GNAT2: variants seen among roughly 807,000 people sequenced by gnomAD.
The protein encoded by GNAT2 is G protein subunit alpha transducin 2.
In GNAT2, 32 loss-of-function variants were observed where a neutral mutation model predicts 40.9. The observed-to-expected ratio is 0.78, with a 90% CI of 0.59 to 1.05. The LOEUF (loss-of-function observed/expected upper bound fraction) is 1.05. Among genes scored for constraint, GNAT2 ranks in the 50% least tolerant of loss-of-function variants. The pLI is 0.00. For missense variants in GNAT2, 355 were observed against 431.5 expected (o/e 0.82, Z 1.57); for synonymous variants, 141 against 157.2 (o/e 0.90, Z 0.77).
chr1:109,606,266 C>T, intron 6 of GNAT2, 42 bp downstream of exon 6: 10 of 1,608,950 alleles, frequency 6.2e-6, no homozygotes, highest in African/African-American at 1.3e-5. Flanking sequence ...TTTCAGGATT[C>T]CACACGTGTA....
At chr1:109,609,585 T>C in intron 4 of GNAT2, 1 of 277,486 alleles carries the variant, frequency 3.6e-6, no homozygotes, top group Non-Finnish European at 7.0e-6. Context: ...TGAGCCATGA[T>C]CACACCACTG....
chr1:109,609,079 C>T (rs776559456), intron 4 of GNAT2: 22 of 460,524 alleles, frequency 4.8e-5, no homozygotes, highest in South Asian at 1.7e-4. Context: ...GAAAGTTTAC[C>T]GCCACAAAAC....
At chr1:109,610,642 C>T (rs1458309769) in intron 2 of GNAT2, 135 bp from the exon 3 acceptor site, 1 of 746,858 alleles carries the variant, frequency 1.3e-6, no homozygotes, top group Non-Finnish European at 2.4e-6. Flanking sequence ...TGACTGCTGC[C>T]CTCAATTTCT....
chr1:109,608,511 C>T, intron 5 of GNAT2, 120 bp downstream of exon 5: 1 of 886,010 alleles, frequency 1.1e-6, no homozygotes, highest in Non-Finnish European at 1.9e-6. Flanking sequence ...TGAATTCAGT[C>T]TGGGTCTCCA....
intron 5 of GNAT2, chr1:109,606,640 C>A (rs998122753): frequency 1.8e-6 from 1 of 549,140 alleles, no homozygotes; most frequent in African/African-American, 1.9e-5. Context: ...GGGACAAGCC[C>A]ATTTGAGGCT....
chr1:109,604,563 T>G (rs1001458065), intron 7 of GNAT2: 8 of 187,290 alleles, frequency 4.3e-5, no homozygotes, highest in African/African-American at 1.4e-4. Context: ...TAGGCTTCTT[T>G]CATGGGGTCC....
chr1:109,610,475 T>C lies in GNAT2; in HGVS notation c.151A>G (p.Lys51Glu). The C allele has an allele frequency of 6.2e-7, 1 of 1,613,902 alleles. No homozygotes were observed. The change falls in exon 3 of 9, where the codon AAA becomes GAA. Residue 51 changes from lysine to glutamate, a missense_variant. Transcript: ENST00000679935. ...TTTGTTTCTACTCACTTCATCTGTT[T>C]GACGATGGTGCTCTTTCCTGACTCC... is the stretch of plus-strand genomic sequence containing the variant. ...AGESGKSTIV[K>E]QMKIIHQDGY...
intron 5 of GNAT2, chr1:109,608,391 GC>G: frequency 3.5e-6 from 2 of 578,390 alleles, no homozygotes; most frequent in Non-Finnish European, 6.2e-6. Context: ...AGCCTTGTAG[GC>G]TGTAGTGAGC....
chr1:109,614,060 CGGA>C (rs1649879924), intron 1 of GNAT2: 7 of 152,172 alleles, frequency 4.6e-5, no homozygotes, highest in Non-Finnish European at 1.0e-4. Flanking sequence ...GTGTTGCTGG[CGGA>C]GCCTCCTCAG....
At chr1:109,609,945 T>G in intron 4 of GNAT2, 95 bp downstream of exon 4, 1 of 1,246,064 alleles carries the variant, frequency 8.0e-7, no homozygotes. Flanking sequence ...CTATTTTTCT[T>G]ACCCATCTTT....
intron 1 of GNAT2, chr1:109,615,384 C>T (rs1293790004): frequency 2.0e-5 from 3 of 152,190 alleles, no homozygotes; most frequent in Admixed American, 2.0e-4. Context: ...GTAATTCCAA[C>T]ACTTTGGGAG....
At chr1:109,612,084 G>T (rs574571787) in intron 2 of GNAT2, 1 of 153,148 alleles carries the variant, frequency 6.5e-6, no homozygotes, top group East Asian at 1.9e-4. Flanking sequence ...ACAAATTGAG[G>T]TGCTTTTATT....
At chr1:109,608,908 T>A in intron 4 of GNAT2, 120 bp from the exon 5 acceptor site, 1 of 806,352 alleles carries the variant, frequency 1.2e-6, no homozygotes, top group Non-Finnish European at 2.1e-6. Flanking sequence ...ATGGAAGCAG[T>A]ATCCAGTGAA....
rs1268201447 is a variant in GNAT2, at chr1:109,610,196, C to T, written c.162-15G>A. 3.1e-6 allele frequency: 5 copies of T among 1,613,730 alleles called. No individual in the cohort carries two copies. In the African/African-American group the frequency reaches 5.3e-5, roughly 17 times the overall value. ...GGTGAATGATCCTGCAAGGGGCAGA[C>T]ACTCTGTCTTTAGCTGGACCTGAGT... is the stretch of plus-strand genomic sequence containing the variant. On this transcript the variant is annotated splice_polypyrimidine_tract_variant and intron_variant, in intron 3 of 8. Transcript: ENST00000679935.
chr1:109,609,714 C>T (rs898779889), intron 4 of GNAT2: 18 of 374,754 alleles, frequency 4.8e-5, no homozygotes, highest in African/African-American at 3.8e-4. Flanking sequence ...GCTTTGTAGT[C>T]AAGCAGCCCA....
In GNAT2 at chr1:109,608,842, G is replaced by C. The variant is rs534414388; in HGVS notation, c.304-54C>G. The C allele has an allele frequency of 4.9e-6, 7 of 1,417,656 alleles. No individual in the cohort carries two copies. The South Asian group carries it at 8.1e-5, about 16-fold the overall frequency. 87.8% of individuals were successfully genotyped at this position (1,417,656 alleles called of 1,614,324 possible). On this transcript the variant is annotated intron_variant, in intron 4 of 8. Transcript: ENST00000679935. ...TCACAGGAGTAATAGCTTTCCAGGA[G>C]GCTTCTGGGAATACTGCTGAATGGA...
chr1:109,608,918 A>G, intron 4 of GNAT2, 130 bp from the exon 5 acceptor site: 1 of 774,326 alleles, frequency 1.3e-6, no homozygotes, highest in Non-Finnish European at 2.2e-6. Context: ...TATCCAGTGA[A>G]GATTCTATGT....
intron 1 of GNAT2, chr1:109,614,786 C>G (rs925692883): frequency 6.6e-6 from 1 of 152,220 alleles, no homozygotes; most frequent in African/African-American, 2.4e-5. Flanking sequence ...CTTCCTCCTT[C>G]GCACCACCTT....
Position 109,606,101 on chromosome 1 carries a change from T to A in GNAT2, c.591-2A>T, listed in dbSNP as rs1557918638. On this transcript the variant is annotated splice_acceptor_variant, in intron 6 of 8. Coordinates refer to ENST00000679935, the MANE Select transcript of GNAT2 (RefSeq NM_001377295.2). LOFTEE classifies it high-confidence loss of function. ...CTCTGCCCTCCCACATCAAACATCC[T>A]GAGGGAAGAAGCAGCTATTTTCATA... 6.2e-7 allele frequency: 1 copy of A among 1,613,954 alleles called. No homozygotes were observed. The highest frequency in any genetic ancestry group is 1.1e-5 in the South Asian group (1 of 91,086).
Sources: allele counts gnomAD v4.1 joint callset, GRCh38; gene constraint gnomAD v4.1.1; transcripts MANE v1.5; gene names NCBI Gene and HGNC (gene_info 2026-07-23, HGNC 2026-07-21).